NR3C2: variants seen among roughly 807,000 people sequenced by gnomAD.
NR3C2 encodes the protein nuclear receptor subfamily 3 group C member 2, also known as mineralocorticoid receptor.
In NR3C2, 15 loss-of-function variants were observed where a neutral mutation model predicts 86.4. The ratio of observed to expected loss-of-function variants is 0.17; its 90% confidence interval spans 0.12 to 0.27. The LOEUF (loss-of-function observed/expected upper bound fraction) is 0.27. Ranked by LOEUF, NR3C2 falls within the 10% of genes least tolerant of loss-of-function variation. NR3C2 has a pLI of 1.00. For synonymous variants in NR3C2, 458 were observed against 450.5 expected (o/e 1.02, Z -0.21); for missense variants, 960 against 1,195.6 (o/e 0.80, Z 2.91).
At chr4:148,381,833 AT>A (rs1747007842) in intron 2 of NR3C2, among the ~76,000 whole-genome samples, 1 of 152,060 alleles carries the variant, frequency 6.6e-6, no homozygotes, top group Non-Finnish European at 1.5e-5. Context: ...GCTTGTGTGT[AT>A]TTTTCAGATG....
intron 8 of NR3C2, among the ~76,000 whole-genome samples, chr4:148,096,750 A>T (rs1048529723): frequency 1.3e-5 from 2 of 152,224 alleles, no homozygotes; most frequent in African/African-American, 4.8e-5. Flanking sequence ...GAAATTGTTT[A>T]GAATGCGGCC....
intron 7 of NR3C2, among the ~76,000 whole-genome samples, chr4:148,117,527 CACTT>C (rs71594251): frequency 0.49 from 74,074 of 151,592 alleles, 18,595 homozygotes; most frequent in East Asian, 0.7. Context: ...CAACATATCA[CACTT>C]ACGTGCCTCC....
chr4:148,171,903 T>A (rs960318900), intron 4 of NR3C2, among the ~76,000 whole-genome samples: 1 of 152,116 alleles, frequency 6.6e-6, no homozygotes, highest in African/African-American at 2.4e-5. Flanking sequence ...GGAAGACAGG[T>A]GTTCCTCCCA....
intron 2 of NR3C2, among the ~76,000 whole-genome samples, chr4:148,344,672 A>G (rs927036618): frequency 1.6e-4 from 24 of 152,160 alleles, no homozygotes; most frequent in African/African-American, 5.3e-4. Flanking sequence ...TGTGAGGTCA[A>G]CATTACTACT....
chr4:148,434,208 G>A (rs573291166), intron 2 of NR3C2, among the ~76,000 whole-genome samples: 1 of 152,146 alleles, frequency 6.6e-6, no homozygotes, highest in South Asian at 2.1e-4. Context: ...GTCCATAAAG[G>A]AATAATTTAT....
At chr4:148,219,094 T>C (rs945042633) in intron 3 of NR3C2, among the ~76,000 whole-genome samples, 4 of 152,208 alleles carry the variant, frequency 2.6e-5, no homozygotes, top group African/African-American at 9.6e-5. Context: ...TATGACGTGT[T>C]TTTCCATAAC....
At chr4:148,223,162 A>C (rs571834954) in intron 3 of NR3C2, among the ~76,000 whole-genome samples, 30 of 152,236 alleles carry the variant, frequency 2.0e-4, no homozygotes, top group South Asian at 1.5e-3. Flanking sequence ...TCGGCCCTAC[A>C]CTGACACTCC....
intron 3 of NR3C2, among the ~76,000 whole-genome samples, chr4:148,223,208 A>G (rs1171717691): frequency 6.6e-6 from 1 of 152,124 alleles, no homozygotes; most frequent in Admixed American, 6.6e-5. Flanking sequence ...CAAGCTCCGA[A>G]TATTCCTCAC....
At chr4:148,361,548 A>C (rs1041315109) in intron 2 of NR3C2, among the ~76,000 whole-genome samples, 2 of 152,134 alleles carry the variant, frequency 1.3e-5, no homozygotes, top group Non-Finnish European at 2.9e-5. Flanking sequence ...TTATGTCATT[A>C]ATAGGAAATT....
intron 4 of NR3C2, among the ~76,000 whole-genome samples, chr4:148,157,316 C>T (rs756204332): frequency 1.3e-4 from 20 of 151,862 alleles, no homozygotes; most frequent in Non-Finnish European, 2.9e-4. Flanking sequence ...TAAAAAAACC[C>T]CAAAAATGGC....
intron 2 of NR3C2, among the ~76,000 whole-genome samples, chr4:148,396,448 A>G (rs1450726067): frequency 6.6e-6 from 1 of 152,198 alleles, no homozygotes; most frequent in African/African-American, 2.4e-5. Context: ...ATAACAAAGC[A>G]CCTCTTGTTA....
rs771060212 is a variant in NR3C2, at chr4:148,194,882, A to T, written c.1898-20T>A. On this transcript the variant is annotated intron_variant, in intron 3 of 8. Transcript: ENST00000358102. ...GTTGCCCTGATTAAAATAATAAAAA[A>T]TAACTGTTAAAATAGAGTACACTAG... 1 of 1,550,170 alleles carries T rather than the reference A, an allele frequency of 6.5e-7. No homozygotes were observed. Among genetic ancestry groups the T allele is most frequent in the Non-Finnish European group, 8.9e-7 (1 of 1,126,694 alleles).
rs1302904649 is a variant in NR3C2, at chr4:148,079,197, C to T, written c.*2147G>A. ...TAAGCCATTTGTTTGCTAGCAACTC[C>T]CAGTCTGCATGCTGTGTATTTATTA... On this transcript the variant is annotated 3_prime_UTR_variant, in exon 9 of 9. Transcript: ENST00000358102. The T allele has an allele frequency of 3.3e-5, 5 of 152,198 alleles. No homozygotes were observed. The highest frequency in any genetic ancestry group is 2.6e-4 in the Admixed American group (4 of 15,282). 9.4% of individuals were successfully genotyped at this position (152,198 alleles called of 1,614,324 possible). A position where few individuals can be genotyped will look rare whatever the true frequency, so the allele number is the denominator to read the frequency against.
chr4:148,290,179 G>A (rs1052386656), intron 2 of NR3C2, among the ~76,000 whole-genome samples: 1 of 152,064 alleles, frequency 6.6e-6, no homozygotes, highest in Non-Finnish European at 1.5e-5. Flanking sequence ...CACATGGTCC[G>A]CTCTATACAC....
At chr4:148,239,356 T>C (rs974176784) in intron 3 of NR3C2, among the ~76,000 whole-genome samples, 9 of 152,238 alleles carry the variant, frequency 5.9e-5, no homozygotes, top group African/African-American at 2.2e-4. Context: ...CCTGGGTTTC[T>C]GCAGGCCTAT....
At chr4:148,387,231 G>A (rs1199197021) in intron 2 of NR3C2, among the ~76,000 whole-genome samples, 1 of 152,144 alleles carries the variant, frequency 6.6e-6, no homozygotes, top group African/African-American at 2.4e-5. Flanking sequence ...AAGGATCCTG[G>A]AGGTGCAGCA....
chr4:148,248,649 T>A (rs1399108604), intron 3 of NR3C2, among the ~76,000 whole-genome samples: 1 of 152,176 alleles, frequency 6.6e-6, no homozygotes, highest in East Asian at 1.9e-4. Flanking sequence ...AGCACAATAT[T>A]CATAAACAAT....
At chr4:148,365,329 T>G (rs1746057125) in intron 2 of NR3C2, among the ~76,000 whole-genome samples, 1 of 152,168 alleles carries the variant, frequency 6.6e-6, no homozygotes, top group Non-Finnish European at 1.5e-5. Context: ...TATCAGGGCT[T>G]AAAAAGTCTT....
chr4:148,423,332 T>A (rs140385307), intron 2 of NR3C2, among the ~76,000 whole-genome samples: 2 of 152,146 alleles, frequency 1.3e-5, no homozygotes. Flanking sequence ...ATTAAACCCA[T>A]CCAGGCAAGT....
Sources: gnomAD v4.1 joint callset for allele counts (sites outside exome capture counted in the v4.1 genomes callset) on GRCh38, gnomAD v4.1.1 for gene constraint, MANE v1.5 for transcripts, NCBI Gene and HGNC (gene_info 2026-07-23, HGNC 2026-07-21) for gene names.